LNX1: variants seen among roughly 807,000 people sequenced by gnomAD.
LNX1 encodes the protein ligand of numb-protein X 1, also known as E3 ubiquitin-protein ligase LNX.
A neutral mutation model predicts 68.4 loss-of-function variants in LNX1; 54 were observed. The ratio of observed to expected loss-of-function variants is 0.79; its 90% confidence interval spans 0.63 to 0.99. LNX1 has a LOEUF of 0.99. Among genes scored for constraint, LNX1 ranks in the 50% least tolerant of loss-of-function variants. The pLI is 0.00. For missense variants in LNX1, 906 were observed against 926.4 expected (o/e 0.98, Z 0.29); for synonymous variants, 336 against 350.0 (o/e 0.96, Z 0.45).
At chr4:53,472,557 C>G (rs1286093072) in intron 9 of LNX1, among the ~76,000 whole-genome samples, 1 of 151,496 alleles carries the variant, frequency 6.6e-6, no homozygotes, top group Non-Finnish European at 1.5e-5. Flanking sequence ...GAAGTGAAAT[C>G]TTACAACATG....
At chr4:53,642,458 C>T (rs969185099) in intron 1 of LNX1, among the ~76,000 whole-genome samples, 1 of 152,186 alleles carries the variant, frequency 6.6e-6, no homozygotes, top group Admixed American at 6.5e-5. Context: ...CAAAGGGTCT[C>T]CTGGCCATTG....
chr4:53,571,363 G>C (rs1380531195), intron 2 of LNX1, among the ~76,000 whole-genome samples: 1 of 152,072 alleles, frequency 6.6e-6, no homozygotes, highest in African/African-American at 2.4e-5. Flanking sequence ...GGATTATCCA[G>C]GTGGGCCCAA....
intron 2 of LNX1, among the ~76,000 whole-genome samples, chr4:53,562,989 G>A (rs545209281): frequency 5.3e-5 from 8 of 152,240 alleles, no homozygotes; most frequent in South Asian, 2.1e-4. Flanking sequence ...GACGGATCAC[G>A]AGGTCAGGAG....
intron 2 of LNX1, among the ~76,000 whole-genome samples, chr4:53,555,099 T>C (rs559588002): frequency 5.3e-5 from 8 of 152,030 alleles, no homozygotes; most frequent in African/African-American, 1.9e-4. Flanking sequence ...GGATAAAGGG[T>C]GGAGGAAGCC....
chr4:53,512,542 A>C (rs1560637617), intron 2 of LNX1, among the ~76,000 whole-genome samples: 1 of 150,520 alleles, frequency 6.6e-6, no homozygotes, highest in Non-Finnish European at 1.5e-5. Context: ...GATGACCCCT[A>C]AAGAGGGCTT....
intron 2 of LNX1, among the ~76,000 whole-genome samples, chr4:53,519,955 G>A (rs76309111): frequency 0.085 from 12,964 of 152,236 alleles, 549 homozygotes; most frequent in Middle Eastern, 0.1. Flanking sequence ...CCGATGTGCT[G>A]GTGCTCACCC....
intron 1 of LNX1, among the ~76,000 whole-genome samples, chr4:53,632,138 G>T (rs1188269190): frequency 1.3e-5 from 2 of 152,114 alleles, no homozygotes; most frequent in African/African-American, 4.8e-5. Flanking sequence ...ATTATGAGGA[G>T]ACCTCCCCCA....
At chr4:53,620,637 G>A (rs1467145992), upstream of LNX1, among the ~76,000 whole-genome samples, 13 of 151,984 alleles carry the variant, frequency 8.6e-5, no homozygotes, top group African/African-American at 2.7e-4. Context: ...CTGAAGTCCC[G>A]GATTTCACCA....
intron 9 of LNX1, among the ~76,000 whole-genome samples, chr4:53,476,346 A>T (rs1205254744): frequency 6.6e-6 from 1 of 152,182 alleles, no homozygotes; most frequent in Non-Finnish European, 1.5e-5. Flanking sequence ...TCCCTGCAAG[A>T]TCCCAGGGCT....
intron 2 of LNX1, chr4:53,539,144 T>C (rs1438038568): frequency 6.6e-6 from 1 of 152,182 alleles, no homozygotes; most frequent in Non-Finnish European, 1.5e-5. Flanking sequence ...CCTGCTACAA[T>C]AAAAGGAGCT....
At chr4:53,572,995 AC>A (rs1731259244) in intron 2 of LNX1, among the ~76,000 whole-genome samples, 1 of 152,220 alleles carries the variant, frequency 6.6e-6, no homozygotes, top group Admixed American at 6.5e-5. Flanking sequence ...AAACTGGGGC[AC>A]CTTTTTTTCC....
intron 9 of LNX1, among the ~76,000 whole-genome samples, chr4:53,471,646 A>G (rs1259424438): frequency 6.6e-6 from 1 of 151,682 alleles, no homozygotes; most frequent in Non-Finnish European, 1.5e-5. Context: ...AGTTTACAAG[A>G]AAAAAAAACC....
chr4:53,604,312 G>A (rs1270598029), intron 2 of LNX1, among the ~76,000 whole-genome samples: 2 of 152,172 alleles, frequency 1.3e-5, no homozygotes, highest in Non-Finnish European at 2.9e-5. Flanking sequence ...GAATGTTTGA[G>A]TTAAAAATGA....
In LNX1 at chr4:53,498,672, C is replaced by A; in HGVS notation, c.947G>T (p.Gly316Val). ...IYRDGVIARD[G>V]RLLPGDIILK... is the part of the protein sequence containing the mutation. Reference sequence around the variant, plus strand: ...AATGATGTCTCCTGGCAGTAGCCGGCCGTCTCTGGCGATCACCCCATCACG... The same window carrying A: ...AATGATGTCTCCTGGCAGTAGCCGGACGTCTCTGGCGATCACCCCATCACG... The change falls in exon 5 of 11, where the codon GGC becomes GTC. Residue 316 changes from glycine (G) to valine (V), a missense_variant. By Grantham distance (109) the Gly-to-Val change is moderately radical. Transcript: ENST00000263925. 2 of 1,614,040 alleles carry A rather than the reference C, an allele frequency of 1.2e-6. No individual in the cohort carries two copies. Among genetic ancestry groups the A allele is most frequent in the Non-Finnish European group, 1.7e-6 (2 of 1,179,928 alleles).
intron 1 of LNX1, among the ~76,000 whole-genome samples, chr4:53,583,808 C>T (rs945691502): frequency 1.9e-4 from 29 of 152,104 alleles, no homozygotes; most frequent in African/African-American, 5.8e-4. Context: ...CTTCTCTTGA[C>T]GAGATTTTAC....
intron 2 of LNX1, among the ~76,000 whole-genome samples, chr4:53,521,735 T>A (rs943875006): frequency 1.3e-5 from 2 of 152,112 alleles, no homozygotes; most frequent in African/African-American, 4.8e-5. Context: ...TTGCAGGAAA[T>A]GCTATTATAT....
At position 53,468,314 on chromosome 4, in the gene LNX1, G is replaced by A. The variant is rs560595747; in HGVS notation, c.1893-6721C>T. ...TGCTGAGAGATTTTGTCACCACCAG[G>A]CCTGCCCTAAAAGAGCTCCTGGAGG... On this transcript the variant is annotated intron_variant, in intron 9 of 10. Coordinates refer to ENST00000263925, the MANE Select transcript of LNX1 (RefSeq NM_001126328.3). Among the ~76,000 whole-genome samples the A allele has an allele frequency of 2.0e-5, 3 of 152,244 alleles. No individual in the cohort carries two copies. In the East Asian group the frequency reaches 5.8e-4, roughly 29 times the overall value.
intron 2 of LNX1, among the ~76,000 whole-genome samples, chr4:53,612,604 G>A (rs1184312612): frequency 1.3e-5 from 2 of 152,174 alleles, no homozygotes; most frequent in African/African-American, 4.8e-5. Context: ...AGAATTGCTT[G>A]AGCCTAGGAG....
At chr4:53,642,566 A>T (rs1734727903) in intron 1 of LNX1, among the ~76,000 whole-genome samples, 1 of 152,120 alleles carries the variant, frequency 6.6e-6, no homozygotes, top group Non-Finnish European at 1.5e-5. Flanking sequence ...GTTATTCTTT[A>T]TATGCTTGGG....
Sources: allele counts gnomAD v4.1 joint callset (sites outside exome capture counted in the v4.1 genomes callset), GRCh38; gene constraint gnomAD v4.1.1; transcripts MANE v1.5; gene names NCBI Gene and HGNC (gene_info 2026-07-23, HGNC 2026-07-21).